PAFAH1B1: variants seen among roughly 807,000 people sequenced by gnomAD.
PAFAH1B1 encodes platelet-activating factor acetylhydrolase IB subunit beta.
A neutral mutation model predicts 57.5 loss-of-function variants in PAFAH1B1; 2 were observed. The observed-to-expected ratio is 0.03, with a 90% CI of 0.01 to 0.11. The LOEUF is 0.11. Among genes scored for constraint, PAFAH1B1 ranks in the 10% least tolerant of loss-of-function variants. The probability of loss-of-function intolerance (pLI) is 1.00; values close to 1 mark genes in which losing one functional copy is unlikely to be tolerated. For synonymous variants in PAFAH1B1, 152 were observed against 169.6 expected, an observed-to-expected ratio of 0.90 and a Z score of 0.81; for missense variants, 257 against 512.0, an observed-to-expected ratio of 0.50 and a Z score of 4.81.
At chr17:2,604,162 C>T (rs886138288) in intron 1 of PAFAH1B1, among the ~76,000 whole-genome samples, 2 of 151,626 alleles carry the variant, frequency 1.3e-5, no homozygotes, top group Non-Finnish European at 2.9e-5. Context: ...CTCAGCCTCC[C>T]GAGTAGCTGG....
chr17:2,672,137 C>T (rs2069192578), intron 6 of PAFAH1B1, among the ~76,000 whole-genome samples: 1 of 151,722 alleles, frequency 6.6e-6, no homozygotes. Flanking sequence ...TGTGGTGGTA[C>T]CAGATGTGGT....
intron 1 of PAFAH1B1, among the ~76,000 whole-genome samples, chr17:2,635,756 G>A (rs1211082671): frequency 6.6e-6 from 1 of 151,874 alleles, no homozygotes; most frequent in Non-Finnish European, 1.5e-5. Flanking sequence ...ATAATATAGT[G>A]GGGGTTTTTT....
rs946890428 is a variant in PAFAH1B1, at chr17:2,660,143, G to A, written c.33-5229G>A. 7.3e-5 allele frequency among the ~76,000 whole-genome samples: 11 copies of A among 151,708 alleles called. No homozygotes were observed. In the South Asian group the frequency reaches 1.3e-3, roughly 17 times the overall value. On this transcript the variant is annotated intron_variant, in intron 2 of 10. Coordinates refer to ENST00000397195, the MANE Select transcript of PAFAH1B1 (RefSeq NM_000430.4). ...ACAGCCCTGCAGACATCTCAGATTTGTTGGGCCCCTGGACCTTTTAGAGGA... is the reference window on the plus strand; with the variant it reads ...ACAGCCCTGCAGACATCTCAGATTTATTGGGCCCCTGGACCTTTTAGAGGA...
intron 2 of PAFAH1B1, among the ~76,000 whole-genome samples, chr17:2,657,026 A>G (rs2068944907): frequency 6.6e-6 from 1 of 152,124 alleles, no homozygotes; most frequent in African/African-American, 2.4e-5. Flanking sequence ...GGTTCACGCC[A>G]TTCTCCTGCC....
rs1422045088 is a variant in PAFAH1B1 at position 2,621,605 on chromosome 17, GTCTTTTT to G, written c.-190-16492_-190-16486del. ...GCTATTCAAGCATGGTAGATAATCTGTCTTTTTTTTTTTTTTTTTTTTTTTTTTTTTT... is the reference window on the plus strand; with the variant it reads ...GCTATTCAAGCATGGTAGATAATCTGTTTTTTTTTTTTTTTTTTTTTTTTT... On this transcript the variant is annotated intron_variant, in intron 1 of 10. Transcript: ENST00000397195. 9.6e-3 allele frequency among the ~76,000 whole-genome samples: 893 copies of G among 93,182 alleles called. 175 individuals are homozygous for G. Among genetic ancestry groups the G allele is most frequent in the African/African-American group, 0.02 (424 of 21,340 alleles). 61.1% of individuals were successfully genotyped at this position (93,182 alleles called of 152,430 possible). A position where few individuals can be genotyped will look rare whatever the true frequency, so the allele number is the denominator to read the frequency against.
chr17:2,645,608 T>TAC (rs1491049708), intron 2 of PAFAH1B1, among the ~76,000 whole-genome samples: 1 of 142,120 alleles, frequency 7.0e-6, no homozygotes, highest in Non-Finnish European at 1.5e-5. Flanking sequence ...TATATATATT[T>TAC]ATATATATAT....
rs142209898 is a variant in PAFAH1B1, at chr17:2,626,493, T to C, written c.-190-11606T>C. ...TAGATGTTAGCTACTATGTAGAAAA[T>C]TTAGATTAATTACTCAGGTTATAGA... is the stretch of plus-strand genomic sequence containing the variant. On this transcript the variant is annotated intron_variant, in intron 1 of 10. Transcript: ENST00000397195. Among the ~76,000 whole-genome samples the C allele has an allele frequency of 2.1e-5, 3 of 140,152 alleles. No individual in the cohort carries two copies. The East Asian group carries it at 6.3e-4, about 29-fold the overall frequency. The allele number at this position is 140,152 out of a possible 152,430, so 91.9% of individuals were successfully genotyped here.
intron 1 of PAFAH1B1, among the ~76,000 whole-genome samples, chr17:2,617,303 C>T (rs1442568098): frequency 6.6e-6 from 1 of 152,180 alleles, no homozygotes; most frequent in African/African-American, 2.4e-5. Flanking sequence ...GTAGCTTAAT[C>T]TTTGGCTCAA....
At chr17:2,603,599 C>CA (rs2068170284) in intron 1 of PAFAH1B1, among the ~76,000 whole-genome samples, 1 of 150,614 alleles carries the variant, frequency 6.6e-6, no homozygotes, top group Non-Finnish European at 1.5e-5. Flanking sequence ...CCAGCCTGGG[C>CA]AAAAAGAGCA....
At chr17:2,657,584 G>GAGAT (rs2068953494) in intron 2 of PAFAH1B1, among the ~76,000 whole-genome samples, 1 of 152,194 alleles carries the variant, frequency 6.6e-6, no homozygotes, top group Non-Finnish European at 1.5e-5. Flanking sequence ...GGTAAACATT[G>GAGAT]AGATCTCCAT....
chr17:2,664,467 G>A lies in PAFAH1B1; in HGVS notation c.33-905G>A, dbSNP rs947134791. ...GTTGCCCAGGCTAGAGTGCAGTGAT[G>A]CGGTCTTGGCTCACTGCAATCTCCG... On this transcript the variant is annotated intron_variant, in intron 2 of 10. Coordinates refer to ENST00000397195, the MANE Select transcript of PAFAH1B1 (RefSeq NM_000430.4). Among the ~76,000 whole-genome samples the A allele has an allele frequency of 3.3e-5, 5 of 150,228 alleles. No individual in the cohort carries two copies. The South Asian group carries it at 6.4e-4, about 19-fold the overall frequency.
intron 1 of PAFAH1B1, among the ~76,000 whole-genome samples, chr17:2,637,511 AG>A (rs1337341988): frequency 9.2e-5 from 14 of 152,208 alleles, no homozygotes; most frequent in Non-Finnish European, 1.8e-4. Flanking sequence ...TTAAGCCCAG[AG>A]GGGGAAGGCT....
intron 9 of PAFAH1B1, 159 bp from the exon 10 acceptor site, chr17:2,680,005 T>G (rs555474964): frequency 1.4e-6 from 1 of 706,712 alleles, no homozygotes; most frequent in African/African-American, 1.8e-5. Context: ...TCCTCATGTC[T>G]TATGAGTTTT....
chr17:2,673,573 A>T (rs2069213267), intron 7 of PAFAH1B1: 1 of 164,620 alleles, frequency 6.1e-6, no homozygotes, highest in African/African-American at 2.4e-5. Flanking sequence ...TGGGAGGTGG[A>T]GCCTGCAGTG....
intron 1 of PAFAH1B1, among the ~76,000 whole-genome samples, chr17:2,630,657 C>G (rs1472770409): frequency 6.6e-6 from 1 of 152,134 alleles, no homozygotes; most frequent in Admixed American, 6.6e-5. Flanking sequence ...GTCTAGGTCT[C>G]TAGCAGGGCC....
chr17:2,593,603 G>A, upstream of PAFAH1B1: 1 of 213,260 alleles, frequency 4.7e-6, no homozygotes, highest in Admixed American at 5.7e-5. Flanking sequence ...CGGCGGCGGC[G>A]GCGGCGGCGG....
In PAFAH1B1 at chr17:2,661,094, G is replaced by GT. The variant is rs567324729; in HGVS notation, c.33-4269dup. 5.6e-4 allele frequency among the ~76,000 whole-genome samples: 85 copies of GT among 150,562 alleles called. 1 individual carries two copies. In the Middle Eastern group the frequency reaches 0.014, roughly 24 times the overall value. Reference sequence around the variant, plus strand: ...CATATCCTTTGCCCACTTTTTGATGGTTTTTTTTTCCCGTTCTGTAGGTTG... The same window carrying GT: ...CATATCCTTTGCCCACTTTTTGATGGTTTTTTTTTTCCCGTTCTGTAGGTTG... On this transcript the variant is annotated intron_variant, in intron 2 of 10. Transcript: ENST00000397195.
intron 1 of PAFAH1B1, among the ~76,000 whole-genome samples, chr17:2,605,731 T>C (rs1325653928): frequency 3.3e-5 from 5 of 152,242 alleles, no homozygotes; most frequent in Non-Finnish European, 5.9e-5. Flanking sequence ...CGTAATCTTA[T>C]AATAAGTACC....
At chr17:2,675,898 T>C (rs2069257684) in intron 8 of PAFAH1B1, among the ~76,000 whole-genome samples, 1 of 152,152 alleles carries the variant, frequency 6.6e-6, no homozygotes, top group Non-Finnish European at 1.5e-5. Context: ...AATTTGGTTT[T>C]GGTTGGATTT....
Sources: allele counts gnomAD v4.1 joint callset (sites outside exome capture counted in the v4.1 genomes callset), GRCh38; gene constraint gnomAD v4.1.1; transcripts MANE v1.5; gene names NCBI Gene and HGNC (gene_info 2026-07-23, HGNC 2026-07-21).